CCDC91: variants seen among roughly 807,000 people sequenced by gnomAD.
CCDC91 encodes coiled-coil domain containing 91.
CCDC91 carries 48 observed loss-of-function variants against 63.2 expected under a neutral mutation model. That is an observed-to-expected ratio of 0.76 (90% confidence interval 0.60 to 0.97). The LOEUF is 0.97. Among genes scored for constraint, CCDC91 ranks in the 50% least tolerant of loss-of-function variants. CCDC91 has a pLI of 0.00. For synonymous variants in CCDC91, 167 were observed against 165.8 expected (o/e 1.01, Z -0.06); for missense variants, 500 against 494.6 (o/e 1.01, Z -0.10).
intron 12 of CCDC91, among the ~76,000 whole-genome samples, chr12:28,500,506 A>G (rs1592861859): frequency 6.6e-6 from 1 of 151,784 alleles, no homozygotes; most frequent in African/African-American, 2.4e-5. Context: ...TAGATACATC[A>G]TCTTCTTTGC....
In CCDC91 at chr12:28,466,520, T is replaced by C. The variant is rs560399956; in HGVS notation, c.1101+13866T>C. Among the ~76,000 whole-genome samples, 9 of 152,276 alleles carry C rather than the reference T, an allele frequency of 5.9e-5. 1 individual carries two copies. The South Asian group carries it at 1.2e-3, about 21-fold the overall frequency. Reference sequence around the variant, plus strand: ...AGCTCCAATATGTCTGGCAGCAGATTTTTCAGTGGAAACTTTACAGGCCAG... The same window carrying C: ...AGCTCCAATATGTCTGGCAGCAGATCTTTCAGTGGAAACTTTACAGGCCAG... On this transcript the variant is annotated intron_variant, in intron 11 of 12. Transcript: ENST00000536442.
At chr12:28,435,013 C>T (rs1427181485) in intron 8 of CCDC91, among the ~76,000 whole-genome samples, 1 of 151,450 alleles carries the variant, frequency 6.6e-6, no homozygotes, top group African/African-American at 2.4e-5. Flanking sequence ...CAATTTGTGC[C>T]GTCTCTCTTT....
chr12:28,225,570 C>T (rs565479779), intron 1 of CCDC91, among the ~76,000 whole-genome samples: 2 of 152,240 alleles, frequency 1.3e-5, no homozygotes, highest in African/African-American at 4.8e-5. Context: ...CCAGCCTCAG[C>T]CTCCGGAGTA....
chr12:28,549,047 TAA>T lies in CCDC91; in HGVS notation c.1216-10_1216-9del. 1 of 1,547,378 alleles carries T rather than the reference TAA, an allele frequency of 6.5e-7. No individual in the cohort carries two copies. Among genetic ancestry groups the T allele is most frequent in the Non-Finnish European group, 8.9e-7 (1 of 1,122,492 alleles). On this transcript the variant is annotated splice_polypyrimidine_tract_variant and intron_variant, in intron 12 of 12. Transcript: ENST00000536442. ...TTTTTTTTCTCTTTCTCTCTCTCTT[TAA>T]AAAAATTAAACAGCTCGATCAAGTC...
chr12:28,267,888 ATAATT>A lies in CCDC91; in HGVS notation c.109+8447_109+8451del, dbSNP rs1299775817. Reference sequence around the variant, plus strand: ...TTATATATAATTATATATAATTATTATAATTATATATAATTATATTATATATAATT... The same window carrying A: ...TTATATATAATTATATATAATTATTAATATATAATTATATTATATATAATT... On this transcript the variant is annotated intron_variant, in intron 3 of 12. Transcript: ENST00000536442. 2.8e-4 allele frequency among the ~76,000 whole-genome samples: 14 copies of A among 49,130 alleles called. 2 individuals are homozygous for A. In the South Asian group the frequency reaches 4.5e-3, roughly 16 times the overall value. The allele number at this position is 49,130 out of a possible 152,430, so 32.2% of individuals were successfully genotyped here. A position where few individuals can be genotyped will look rare whatever the true frequency, so the allele number is the denominator to read the frequency against.
chr12:28,304,598 TA>T, intron 3 of CCDC91: 1 of 1,014,448 alleles, frequency 9.9e-7, no homozygotes, highest in Non-Finnish European at 1.3e-6. Context: ...TGTTTATATC[TA>T]ATGGCCTTAT....
intron 11 of CCDC91, among the ~76,000 whole-genome samples, chr12:28,475,585 G>A (rs1280339998): frequency 1.3e-5 from 2 of 151,944 alleles, no homozygotes; most frequent in East Asian, 3.9e-4. Flanking sequence ...GTGTGTTGCA[G>A]GAAAAAAGTT....
chr12:28,344,750 C>G (rs915148162), intron 6 of CCDC91, among the ~76,000 whole-genome samples: 1 of 152,076 alleles, frequency 6.6e-6, no homozygotes, highest in African/African-American at 2.4e-5. Flanking sequence ...TAGCTATTAG[C>G]CTTTGAATGA....
At chr12:28,210,625 G>A (rs1021058393) in intron 1 of CCDC91, among the ~76,000 whole-genome samples, 2 of 152,066 alleles carry the variant, frequency 1.3e-5, no homozygotes, top group Admixed American at 6.5e-5. Context: ...TTTTAATTAA[G>A]CTGACTTTTA....
At chr12:28,222,517 C>A (rs1294717074) in intron 1 of CCDC91, among the ~76,000 whole-genome samples, 12 of 152,072 alleles carry the variant, frequency 7.9e-5, no homozygotes, top group Non-Finnish European at 1.3e-4. Flanking sequence ...TTCTCACTTC[C>A]TATTTTTACT....
chr12:28,352,430 C>T (rs1484232501), intron 6 of CCDC91, among the ~76,000 whole-genome samples: 1 of 152,214 alleles, frequency 6.6e-6, no homozygotes, highest in Non-Finnish European at 1.5e-5. Context: ...CTCTCAATTC[C>T]TGCCACTACT....
chr12:28,464,104 C>G (rs1950437251), intron 11 of CCDC91, among the ~76,000 whole-genome samples: 1 of 152,110 alleles, frequency 6.6e-6, no homozygotes, highest in South Asian at 2.1e-4. Flanking sequence ...CAAAACCAGA[C>G]CAAACTTACC....
intron 6 of CCDC91, among the ~76,000 whole-genome samples, chr12:28,348,480 C>T (rs748811497): frequency 2.6e-5 from 4 of 152,144 alleles, no homozygotes; most frequent in Non-Finnish European, 4.4e-5. Context: ...AGTCACCTTC[C>T]AAACATGGAA....
intron 12 of CCDC91, among the ~76,000 whole-genome samples, chr12:28,518,875 T>C (rs1289605608): frequency 6.6e-6 from 1 of 151,966 alleles, no homozygotes; most frequent in Non-Finnish European, 1.5e-5. Context: ...ATGTGTAGCT[T>C]GCCAATTATC....
At chr12:28,471,498 A>G (rs1008205045) in intron 11 of CCDC91, among the ~76,000 whole-genome samples, 2 of 152,240 alleles carry the variant, frequency 1.3e-5, no homozygotes, top group African/African-American at 4.8e-5. Flanking sequence ...CAAGGAATAT[A>G]TAGGGAACCC....
In CCDC91 at chr12:28,227,163, G is replaced by A. The variant is rs181233909; in HGVS notation, c.-14-30039G>A. Among the ~76,000 whole-genome samples, 545 of 152,178 alleles carry A rather than the reference G, an allele frequency of 3.6e-3. 1 individual carries two copies. The highest frequency in any genetic ancestry group is 6.4e-3 in the Admixed American group (98 of 15,274). ...ATGTTTACTTTGATCATTTGGCTAA[G>A]GTGGTTTTTATTAGGCTTCTTCACT... is the stretch of plus-strand genomic sequence containing the variant. On this transcript the variant is annotated intron_variant, in intron 1 of 12. Coordinates refer to ENST00000536442, the MANE Select transcript of CCDC91 (RefSeq NM_018318.5).
intron 7 of CCDC91, among the ~76,000 whole-genome samples, chr12:28,374,886 C>T (rs1173662015): frequency 2.0e-5 from 3 of 151,930 alleles, no homozygotes; most frequent in African/African-American, 7.2e-5. Flanking sequence ...AATTTAAGAC[C>T]TAAAGTTATT....
At chr12:28,259,774 T>G (rs1846873346) in intron 3 of CCDC91, among the ~76,000 whole-genome samples, 1 of 151,868 alleles carries the variant, frequency 6.6e-6, no homozygotes, top group South Asian at 2.1e-4. Flanking sequence ...AAAGATTCCT[T>G]TTTATAGTCC....
At chr12:28,329,602 G>A (rs1447546467) in intron 6 of CCDC91, among the ~76,000 whole-genome samples, 1 of 151,932 alleles carries the variant, frequency 6.6e-6, no homozygotes, top group Non-Finnish European at 1.5e-5. Context: ...AGATATTAAG[G>A]ACATTATTAA....
Sources: gnomAD v4.1 joint callset for allele counts (sites outside exome capture counted in the v4.1 genomes callset) on GRCh38, gnomAD v4.1.1 for gene constraint, MANE v1.5 for transcripts, NCBI Gene and HGNC (gene_info 2026-07-23, HGNC 2026-07-21) for gene names.